PDE1C: variants seen among roughly 807,000 people sequenced by gnomAD.
PDE1C encodes the protein dual specificity calcium/calmodulin-dependent 3',5'-cyclic nucleotide phosphodiesterase 1C.
Under a neutral mutation model 93.1 loss-of-function variants are expected in PDE1C, and 62 were observed. The observed-to-expected ratio is 0.67, with a 90% CI of 0.54 to 0.82. The LOEUF is 0.82. Ranked by LOEUF, PDE1C falls within the 40% of genes least tolerant of loss-of-function variation. The pLI is 0.00. For synonymous variants in PDE1C, 325 were observed against 310.1 expected (o/e 1.05, Z -0.50); for missense variants, 742 against 884.6 (o/e 0.84, Z 2.04).
Position 31,921,650 on chromosome 7 carries a change from T to C in PDE1C, c.129-40790A>G, listed in dbSNP as rs372326158. ...GTTGGCAATTTAATTCTGGCTAATA[T>C]GTGGAATAGAGAGAGAGAAGTTGAC... On this transcript the variant is annotated intron_variant, in intron 2 of 17. Coordinates refer to ENST00000396191, the MANE Select transcript of PDE1C (RefSeq NM_001191057.4). Among the ~76,000 whole-genome samples, 4 of 152,102 alleles carry C rather than the reference T, an allele frequency of 2.6e-5. No homozygotes were observed. The East Asian group carries it at 7.7e-4, about 29-fold the overall frequency.
Position 31,907,368 on chromosome 7 carries a change from G to T in PDE1C, c.129-26508C>A, listed in dbSNP as rs181012895. Among the ~76,000 whole-genome samples, 227 of 152,066 alleles carry T rather than the reference G, an allele frequency of 1.5e-3. 1 individual carries two copies. Among genetic ancestry groups the T allele is most frequent in the Middle Eastern group, 0.014 (4 of 294 alleles). ...CCAAGAAAAATCAGCAAGTATAAAA[G>T]ATTTTTAATAAATTAGAACCTGTAA... On this transcript the variant is annotated intron_variant, in intron 2 of 17. Coordinates refer to ENST00000396191, the MANE Select transcript of PDE1C (RefSeq NM_001191057.4).
intron 1 of PDE1C, among the ~76,000 whole-genome samples, chr7:32,424,466 T>A (rs1379597617): frequency 1.3e-5 from 2 of 152,134 alleles, no homozygotes; most frequent in African/African-American, 4.8e-5. Context: ...TGGAACAAGA[T>A]AAAACTTTCA....
At chr7:32,216,751 G>T (rs532430020) in intron 1 of PDE1C, among the ~76,000 whole-genome samples, 47 of 152,244 alleles carry the variant, frequency 3.1e-4, no homozygotes, top group Middle Eastern at 3.4e-3. Flanking sequence ...GGCCACACAG[G>T]TTTTTTATGG....
At chr7:31,681,018 C>CT in the PDE1C span, among the ~76,000 whole-genome samples, 43 of 152,306 alleles carry the variant, frequency 2.8e-4, no homozygotes, top group South Asian at 4.1e-4. Flanking sequence ...AGCCTAGCCA[C>CT]TTAACGTGAT....
the PDE1C span, among the ~76,000 whole-genome samples, chr7:31,736,535 T>C: frequency 6.6e-6 from 1 of 151,966 alleles, no homozygotes; most frequent in Non-Finnish European, 1.5e-5. Flanking sequence ...GAAACCTTGG[T>C]CCAACCGTGT....
intron 1 of PDE1C, among the ~76,000 whole-genome samples, chr7:32,388,299 C>T (rs1192810629): frequency 6.6e-6 from 1 of 152,090 alleles, no homozygotes; most frequent in Non-Finnish European, 1.5e-5. Flanking sequence ...CAAGGAGAAA[C>T]CATAAATCAA....
chr7:32,040,486 C>T (rs1296949594), intron 2 of PDE1C, among the ~76,000 whole-genome samples: 1 of 152,098 alleles, frequency 6.6e-6, no homozygotes, highest in Non-Finnish European at 1.5e-5. Context: ...TGCCAAATAC[C>T]CTCGTAGGGC....
chr7:32,014,575 T>G (rs1787617693), intron 2 of PDE1C, among the ~76,000 whole-genome samples: 1 of 152,162 alleles, frequency 6.6e-6, no homozygotes, highest in African/African-American at 2.4e-5. Flanking sequence ...ATCTAGGTTT[T>G]CAGCCCCGCA....
intron 11 of PDE1C, 22 bp downstream of exon 11, chr7:31,837,158 T>A (rs753189172): frequency 6.2e-6 from 10 of 1,609,906 alleles, no homozygotes; most frequent in Non-Finnish European, 8.5e-6. Flanking sequence ...ACAGTCCTGA[T>A]GGAGAGAGAG....
chr7:31,674,354 T>A, the PDE1C span, among the ~76,000 whole-genome samples: 1 of 152,190 alleles, frequency 6.6e-6, no homozygotes, highest in Non-Finnish European at 1.5e-5. Flanking sequence ...AAAACCTGAG[T>A]AGTAGGTATT....
intron 1 of PDE1C, among the ~76,000 whole-genome samples, chr7:32,403,778 C>T (rs1414131884): frequency 6.6e-6 from 1 of 152,168 alleles, no homozygotes; most frequent in Non-Finnish European, 1.5e-5. Flanking sequence ...TTTATATTAA[C>T]AGATTCAGTG....
At chr7:32,219,418 A>G (rs1806672533) in intron 1 of PDE1C, among the ~76,000 whole-genome samples, 1 of 152,182 alleles carries the variant, frequency 6.6e-6, no homozygotes, top group Non-Finnish European at 1.5e-5. Flanking sequence ...AAAGGCTAGC[A>G]CTCAGATCTT....
intron 1 of PDE1C, among the ~76,000 whole-genome samples, chr7:32,381,652 T>C (rs1784536594): frequency 6.6e-6 from 1 of 152,176 alleles, no homozygotes; most frequent in Non-Finnish European, 1.5e-5. Flanking sequence ...TTCCGTCCAT[T>C]ATCCACATCC....
intron 1 of PDE1C, among the ~76,000 whole-genome samples, chr7:32,273,079 G>T (rs1811067213): frequency 6.6e-6 from 1 of 152,158 alleles, no homozygotes; most frequent in Admixed American, 6.5e-5. Flanking sequence ...TTAAAGAAGT[G>T]CTCTAGCTAC....
intron 1 of PDE1C, among the ~76,000 whole-genome samples, chr7:32,294,018 G>C (rs1812490530): frequency 6.6e-6 from 1 of 152,012 alleles, no homozygotes; most frequent in Non-Finnish European, 1.5e-5. Flanking sequence ...TGGAGAGTGG[G>C]CCACACCCCC....
chr7:32,087,237 G>A lies in PDE1C; in HGVS notation c.308+82548C>T, dbSNP rs554873071. ...AAAGAAGACATTTATGCAGCCAAAA[G>A]ACACATGAAAAAATGTTCATCATCA... is the stretch of plus-strand genomic sequence containing the variant. On this transcript the variant is annotated intron_variant, in intron 3 of 18. Transcript: ENST00000396193. Among the ~76,000 whole-genome samples, 25 of 149,462 alleles carry A rather than the reference G, an allele frequency of 1.7e-4. 1 individual carries two copies. In the South Asian group the frequency reaches 5.0e-3, roughly 30 times the overall value.
intron 3 of PDE1C, among the ~76,000 whole-genome samples, chr7:32,124,382 C>T (rs1306698398): frequency 1.3e-5 from 2 of 151,934 alleles, no homozygotes; most frequent in African/African-American, 4.8e-5. Flanking sequence ...TCAAAGAAGA[C>T]CCCACATAGC....
chr7:32,118,917 G>A (rs1206031252), intron 3 of PDE1C, among the ~76,000 whole-genome samples: 2 of 152,072 alleles, frequency 1.3e-5, no homozygotes, highest in Non-Finnish European at 2.9e-5. Flanking sequence ...TGGTAATATG[G>A]CCAACTTGTG....
At position 32,374,295 on chromosome 7, in the gene PDE1C, GAA is replaced by G. The variant is rs1023678783; in HGVS notation, c.310+53525_310+53526del. 3.3e-3 allele frequency among the ~76,000 whole-genome samples: 496 copies of G among 150,128 alleles called. 2 individuals are homozygous for G. Among genetic ancestry groups the G allele is most frequent in the African/African-American group, 0.012 (479 of 39,968 alleles). On this transcript the variant is annotated intron_variant, in intron 1 of 1. Transcript: ENST00000672256. ...AGAAAGAAAGAAAGAAAGAAAGAAAGAAAGAAAGAAAGAAGAAAAGAAAAGAA... is the reference window on the plus strand; with the variant it reads ...AGAAAGAAAGAAAGAAAGAAAGAAAGAGAAAGAAAGAAGAAAAGAAAAGAA...
Sources: gnomAD v4.1 joint callset for allele counts (sites outside exome capture counted in the v4.1 genomes callset) on GRCh38, gnomAD v4.1.1 for gene constraint, MANE v1.5 for transcripts, NCBI Gene and HGNC (gene_info 2026-07-23, HGNC 2026-07-21) for gene names.